The following DLEU7 variants were observed in gnomAD, a reference collection of about 807,000 sequenced individuals.
The protein encoded by DLEU7 is deleted in lymphocytic leukemia 7, also known as leukemia-associated protein 7.
Under a neutral mutation model 16.0 loss-of-function variants are expected in DLEU7, and 17 were observed. The observed-to-expected ratio is 1.06, with a 90% CI of 0.73 to 1.59. DLEU7 has a LOEUF of 1.59. Among genes scored for constraint, DLEU7 ranks in the 40% most tolerant of loss-of-function variants. The pLI, the probability that DLEU7 is intolerant of heterozygous loss-of-function variation, is 0.00. For synonymous variants in DLEU7, 113 were observed against 139.8 expected, an observed-to-expected ratio of 0.81 and a Z score of 1.35; for missense variants, 308 against 314.9, an observed-to-expected ratio of 0.98 and a Z score of 0.17.
intron 1 of DLEU7, among the ~76,000 whole-genome samples, chr13:50,804,778 A>G (rs951572873): frequency 6.6e-6 from 1 of 152,132 alleles, no homozygotes; most frequent in African/African-American, 2.4e-5. Context: ...TTCACATCTG[A>G]CAAATTTATT....
At chr13:50,772,711 T>C (rs916132068) in intron 1 of DLEU7, among the ~76,000 whole-genome samples, 1 of 152,232 alleles carries the variant, frequency 6.6e-6, no homozygotes, top group Non-Finnish European at 1.5e-5. Context: ...TTTTCCTTCA[T>C]TTCAACCTTG....
At chr13:50,749,171 A>G (rs761023668) in intron 1 of DLEU7, among the ~76,000 whole-genome samples, 14 of 151,960 alleles carry the variant, frequency 9.2e-5, no homozygotes, top group Non-Finnish European at 1.9e-4. Context: ...TACTTTACTT[A>G]GAATAATAGT....
chr13:50,759,651 C>T (rs1593545898), intron 1 of DLEU7, among the ~76,000 whole-genome samples: 1 of 152,190 alleles, frequency 6.6e-6, no homozygotes, highest in East Asian at 1.9e-4. Context: ...CCCAGTGTCA[C>T]TCTCTTAGAT....
intron 1 of DLEU7, among the ~76,000 whole-genome samples, chr13:50,788,000 C>T (rs541456424): frequency 2.0e-5 from 3 of 152,232 alleles, no homozygotes; most frequent in African/African-American, 7.2e-5. Context: ...CTCCTTTCCA[C>T]TCTCACAGCT....
At chr13:50,719,288 T>C (rs1873528139) in intron 1 of DLEU7, among the ~76,000 whole-genome samples, 1 of 152,150 alleles carries the variant, frequency 6.6e-6, no homozygotes, top group Admixed American at 6.5e-5. Context: ...TTTTTGGTGA[T>C]TTAAGGAATT....
chr13:50,806,658 C>T (rs1406441664), intron 1 of DLEU7, among the ~76,000 whole-genome samples: 2 of 152,050 alleles, frequency 1.3e-5, no homozygotes, highest in East Asian at 1.9e-4. Flanking sequence ...TCAACTTTAT[C>T]CTCACATTTT....
At chr13:50,821,349 G>A (rs1488189561), downstream of DLEU7, among the ~76,000 whole-genome samples, 1 of 152,050 alleles carries the variant, frequency 6.6e-6, no homozygotes, top group Non-Finnish European at 1.5e-5. Context: ...GGTGTAAAAA[G>A]GTGGTAGGGG....
Position 50,843,172 on chromosome 13 carries a change from C to T in DLEU7, c.459+16G>A. The T allele has an allele frequency of 1.9e-6, 3 of 1,579,888 alleles. No homozygotes were observed. Among genetic ancestry groups the T allele is most frequent in the Non-Finnish European group, 2.6e-6 (3 of 1,165,058 alleles). On this transcript the variant is annotated intron_variant, in intron 1 of 1. Coordinates refer to ENST00000504404, the MANE Select transcript of DLEU7 (RefSeq NM_001306135.2). This position sits in a 1 kb window ranked among gnomAD's most constrained non-coding sequence, Gnocchi z 5.7. ...TTACCCTGCACGCCAGAGGGGATGGCGGGGGCCAGACTCACCTTCAGGTGA... is the reference window on the plus strand; with the variant it reads ...TTACCCTGCACGCCAGAGGGGATGGTGGGGGCCAGACTCACCTTCAGGTGA...
intron 1 of DLEU7, among the ~76,000 whole-genome samples, chr13:50,828,858 C>A (rs889810168): frequency 6.6e-6 from 1 of 152,174 alleles, no homozygotes. Context: ...AGGACAGAAC[C>A]ATACCATGCT....
At chr13:50,740,093 T>C (rs976835087) in intron 1 of DLEU7, among the ~76,000 whole-genome samples, 1 of 152,174 alleles carries the variant, frequency 6.6e-6, no homozygotes, top group Non-Finnish European at 1.5e-5. Context: ...CTTTTAAGCC[T>C]GAAAATGTTT....
intron 1 of DLEU7, among the ~76,000 whole-genome samples, chr13:50,737,237 T>A (rs1226318945): frequency 6.6e-6 from 1 of 152,146 alleles, no homozygotes; most frequent in East Asian, 1.9e-4. Context: ...TAACAAAATA[T>A]TAGCAAATTG....
At chr13:50,754,696 T>G (rs1375292690) in intron 1 of DLEU7, among the ~76,000 whole-genome samples, 1 of 152,208 alleles carries the variant, frequency 6.6e-6, no homozygotes, top group Non-Finnish European at 1.5e-5. Context: ...AGATATGAAG[T>G]ACCATTGCAT....
intron 1 of DLEU7, among the ~76,000 whole-genome samples, chr13:50,765,936 G>T (rs910359288): frequency 2.0e-5 from 3 of 152,108 alleles, no homozygotes; most frequent in African/African-American, 7.2e-5. Flanking sequence ...TTTTAGTGAT[G>T]AATTCCCATT....
intron 1 of DLEU7, chr13:50,719,609 G>A (rs950990073): frequency 2.1e-4 from 31 of 149,202 alleles, no homozygotes; most frequent in African/African-American, 7.3e-4. Context: ...TTGAACAGAC[G>A]GGAAACAACT....
chr13:50,712,296 AGATATC>A (rs1873314553), exon 2 of DLEU7: 1 of 152,208 alleles, frequency 6.6e-6, no homozygotes, highest in African/African-American at 2.4e-5. Flanking sequence ...GACTTTAAGC[AGATATC>A]CTAAGGCCAA....
intron 1 of DLEU7, among the ~76,000 whole-genome samples, chr13:50,751,766 G>A (rs1874570519): frequency 6.6e-6 from 1 of 152,156 alleles, no homozygotes; most frequent in Non-Finnish European, 1.5e-5. Flanking sequence ...TTTCAGCGAT[G>A]TCAGTTATAA....
rs530752287 is a variant in DLEU7 at position 50,843,267 on chromosome 13, G to T, written c.380C>A (p.Ser127Ter). Reference sequence around the variant, plus strand: ...CTCCACGCTGACCAGCTCCGAAGTCGAGTCCACCACGCGGGCCAGCGCGCT... The same window carrying T: ...CTCCACGCTGACCAGCTCCGAAGTCTAGTCCACCACGCGGGCCAGCGCGCT... Reference protein sequence around the residue: ...MRSALARVVDSTSELVSVEQT... With the variant: ...MRSALARVVD The change falls in exon 1 of 2, where the codon TCG becomes TAG. Residue 127 changes from serine to a stop codon, truncating the protein, a stop_gained. Transcript: ENST00000504404. LOFTEE classifies it high-confidence loss of function. The surrounding 1 kb of genome is among the most constrained non-coding windows in gnomAD (Gnocchi z 5.7). 19 of 1,590,928 alleles carry T rather than the reference G, an allele frequency of 1.2e-5. No homozygotes were observed. The highest frequency in any genetic ancestry group is 1.5e-5 in the Non-Finnish European group (17 of 1,168,844).
intron 1 of DLEU7, among the ~76,000 whole-genome samples, chr13:50,755,133 G>C (rs529868975): frequency 1.3e-5 from 2 of 152,054 alleles, no homozygotes; most frequent in Admixed American, 1.3e-4. Flanking sequence ...TCCTTCCTTC[G>C]TCTTAACTTT....
chr13:50,733,210 T>C, intron 1 of DLEU7, among the ~76,000 whole-genome samples: 1 of 152,166 alleles, frequency 6.6e-6, no homozygotes, highest in Non-Finnish European at 1.5e-5. Flanking sequence ...CCAGAGCAAA[T>C]ACATCAGAAT....
Sources: gnomAD v4.1 joint callset for allele counts (sites outside exome capture counted in the v4.1 genomes callset) on GRCh38, gnomAD v4.1.1 for gene constraint, Gnocchi (gnomAD v3.1) non-coding constraint, MANE v1.5 for transcripts, NCBI Gene and HGNC (gene_info 2026-07-23, HGNC 2026-07-21) for gene names.